AGFG2: variants seen among roughly 807,000 people sequenced by gnomAD.
AGFG2 encodes the protein arf-GAP domain and FG repeat-containing protein 2.
AGFG2 carries 31 observed loss-of-function variants against 48.0 expected under a neutral mutation model. The observed-to-expected ratio is 0.65, with a 90% CI of 0.49 to 0.87. The LOEUF (loss-of-function observed/expected upper bound fraction) is 0.87. Ranked by LOEUF, AGFG2 falls within the 40% of genes least tolerant of loss-of-function variation. The pLI is 0.00. For synonymous variants in AGFG2, 229 were observed against 260.8 expected, an observed-to-expected ratio of 0.88 and a Z score of 1.18; for missense variants, 599 against 632.6, an observed-to-expected ratio of 0.95 and a Z score of 0.57.
In AGFG2 at chr7:100,539,207, GA is replaced by G; in HGVS notation, c.-139del. ...TGCAGGACGGGCAAGGAGGGTGGTG[GA>G]CGGCGAAGTCTCCTGCGGATGCCGC... On this transcript the variant is annotated 5_prime_UTR_variant, in exon 1 of 12. Transcript: ENST00000300176. The G allele has an allele frequency of 1.2e-6, 1 of 813,350 alleles. No individual in the cohort carries two copies. Among genetic ancestry groups the G allele is most frequent in the Non-Finnish European group, 1.7e-6 (1 of 595,032 alleles). 50.4% of individuals were successfully genotyped at this position (813,350 alleles called of 1,614,324 possible). A position where few individuals can be genotyped will look rare whatever the true frequency, so the allele number is the denominator to read the frequency against.
chr7:100,564,906 G>GA, intron 11 of AGFG2, 26 bp from the exon 12 acceptor site: 2 of 1,613,352 alleles, frequency 1.2e-6, no homozygotes, highest in Non-Finnish European at 1.7e-6. Context: ...CCCCTAACTG[G>GA]AAAATGTATT....
rs192404984 is a variant in AGFG2, at chr7:100,564,580, C to T, written c.1386+277C>T. On this transcript the variant is annotated intron_variant, in intron 11 of 11. Transcript: ENST00000300176. Reference sequence around the variant, plus strand: ...TCTCCCAGGCCCAATCTCAGCTCACCGCAACCTCTACCTCCTGAGTTCAAG... The same window carrying T: ...TCTCCCAGGCCCAATCTCAGCTCACTGCAACCTCTACCTCCTGAGTTCAAG... Among the ~76,000 whole-genome samples, 225 of 151,752 alleles carry T rather than the reference C, an allele frequency of 1.5e-3. 2 individuals carry two copies. The highest frequency in any genetic ancestry group is 2.4e-3 in the Non-Finnish European group (165 of 67,860).
Position 100,562,979 on chromosome 7 carries a change from A to T in AGFG2, c.1171+33A>T, listed in dbSNP as rs775700880. 1 of 1,577,764 alleles carries T rather than the reference A, an allele frequency of 6.3e-7. No individual in the cohort carries two copies. The highest frequency in any genetic ancestry group is 8.7e-7 in the Non-Finnish European group (1 of 1,149,658). ...TCCAGCATGGTCCCTTGTCCTGACC[A>T]TCTGAGACTTCCAAGGCACACATTA... On this transcript the variant is annotated intron_variant, in intron 9 of 11. Coordinates refer to ENST00000300176, the MANE Select transcript of AGFG2 (RefSeq NM_006076.5). The surrounding 1 kb of genome is among the most constrained non-coding windows in gnomAD (Gnocchi z 5.4).
Position 100,553,470 on chromosome 7 carries a change from T to C in AGFG2, c.555T>C (p.Ser185=). The C allele has an allele frequency of 6.2e-7, 1 of 1,604,462 alleles. No individual in the cohort carries two copies. Among genetic ancestry groups the C allele is most frequent in the Non-Finnish European group, 8.5e-7 (1 of 1,172,576 alleles). The change falls in exon 4 of 12, where the codon TCT becomes TCC. Residue 185 remains serine (S), a synonymous_variant. Transcript: ENST00000300176. ...LRTLLGDPAP[S]LSVAASTSSQ... Reference sequence around the variant, plus strand: ...CACTTCTGGGTGATCCTGCACCGTCTCTCTCAGTTGCTGCCTCCACCTCGA... The same window carrying C: ...CACTTCTGGGTGATCCTGCACCGTCCCTCTCAGTTGCTGCCTCCACCTCGA...
At chr7:100,541,509 C>G (rs191495440) in intron 1 of AGFG2, among the ~76,000 whole-genome samples, 16 of 151,722 alleles carry the variant, frequency 1.1e-4, no homozygotes, top group Non-Finnish European at 1.5e-4. Context: ...CTCGGTGGCT[C>G]AGTATGTATA....
intron 1 of AGFG2, among the ~76,000 whole-genome samples, chr7:100,543,850 C>A (rs1339968447): frequency 6.6e-6 from 1 of 152,198 alleles, no homozygotes; most frequent in Non-Finnish European, 1.5e-5. Flanking sequence ...AGGTCCCACA[C>A]CTGACCTAGT....
chr7:100,550,547 T>G, intron 3 of AGFG2, 36 bp downstream of exon 3: 1 of 1,495,432 alleles, frequency 6.7e-7, no homozygotes, highest in South Asian at 1.1e-5. Context: ...TGGAAACGTG[T>G]TCAAGACATT....
At chr7:100,559,990 CCT>C (rs1800831826) in intron 6 of AGFG2, among the ~76,000 whole-genome samples, 3 of 152,136 alleles carry the variant, frequency 2.0e-5, no homozygotes, top group South Asian at 2.1e-4. Context: ...TGGCCTGCAG[CCT>C]CTCTCCCAGC....
intron 1 of AGFG2, among the ~76,000 whole-genome samples, chr7:100,539,882 G>A (rs1800390198): frequency 1.3e-5 from 2 of 152,082 alleles, no homozygotes; most frequent in African/African-American, 2.4e-5. Flanking sequence ...GAGAAAGTGC[G>A]GAGGATGGAA....
intron 3 of AGFG2, among the ~76,000 whole-genome samples, chr7:100,552,208 G>A (rs1252771266): frequency 6.6e-6 from 1 of 152,010 alleles, no homozygotes; most frequent in Admixed American, 6.6e-5. Flanking sequence ...TCGTGCCACT[G>A]TACTCTAGCC....
At chr7:100,556,373 G>A (rs1800758980) in intron 6 of AGFG2, 1 of 222,720 alleles carries the variant, frequency 4.5e-6, no homozygotes, top group Non-Finnish European at 9.4e-6. Context: ...CATTGCAAGA[G>A]ACTCTTCAGG....
intron 6 of AGFG2, among the ~76,000 whole-genome samples, chr7:100,559,991 C>G (rs1451444389): frequency 1.3e-5 from 2 of 152,140 alleles, no homozygotes; most frequent in African/African-American, 4.8e-5. Flanking sequence ...GGCCTGCAGC[C>G]TCTCTCCCAG....
chr7:100,549,345 C>T (rs997181401), intron 2 of AGFG2, among the ~76,000 whole-genome samples: 4 of 152,180 alleles, frequency 2.6e-5, no homozygotes, highest in African/African-American at 4.8e-5. Flanking sequence ...ATCTGCCGAT[C>T]AGAAGTTGCT....
intron 1 of AGFG2, among the ~76,000 whole-genome samples, chr7:100,542,215 C>T (rs1800433078): frequency 6.6e-6 from 1 of 152,116 alleles, no homozygotes; most frequent in Admixed American, 6.6e-5. Context: ...GGGGTTTTGC[C>T]ATGTTGGTCA....
Position 100,567,714 on chromosome 7 carries a change from T to C in AGFG2, c.*2723T>C, listed in dbSNP as rs961386012. 1.3e-5 allele frequency: 2 copies of C among 152,242 alleles called. No individual in the cohort carries two copies. The highest frequency in any genetic ancestry group is 4.8e-5 in the African/African-American group (2 of 41,432). The allele number at this position is 152,242 out of a possible 1,614,324, so 9.4% of individuals were successfully genotyped here. A position where few individuals can be genotyped will look rare whatever the true frequency, so the allele number is the denominator to read the frequency against. ...CTCCCCGTGGATTCCCCCAAACCCATAACATTCTTCCATAGGGGCTGAGAA... is the reference window on the plus strand; with the variant it reads ...CTCCCCGTGGATTCCCCCAAACCCACAACATTCTTCCATAGGGGCTGAGAA... On this transcript the variant is annotated 3_prime_UTR_variant, in exon 12 of 12. Transcript: ENST00000300176.
Position 100,562,426 on chromosome 7 carries a change from C to G in AGFG2, c.998+47C>G, listed in dbSNP as rs548596427. On this transcript the variant is annotated intron_variant, in intron 7 of 11. Transcript: ENST00000300176. The surrounding 1 kb of genome is among the most constrained non-coding windows in gnomAD (Gnocchi z 5.4). ...TCTGCTGTAGGGCAGGAGAGCCGCC[C>G]GAAGCCTGGCCATGTTCCTCCCAGC... 7.5e-6 allele frequency: 12 copies of G among 1,606,858 alleles called. No homozygotes were observed. The highest frequency in any genetic ancestry group is 1.0e-5 in the Non-Finnish European group (12 of 1,175,510).
chr7:100,552,070 C>A (rs942694835), intron 3 of AGFG2, among the ~76,000 whole-genome samples: 1 of 151,634 alleles, frequency 6.6e-6, no homozygotes, highest in African/African-American at 2.4e-5. Context: ...GATGGTGAAA[C>A]CCCGTCTCTA....
In AGFG2 at chr7:100,563,955, G is replaced by A. The variant is rs964060186; in HGVS notation, c.1293G>A (p.Gln431=). The A allele has an allele frequency of 1.2e-6, 2 of 1,607,122 alleles. No individual in the cohort carries two copies. Among genetic ancestry groups the A allele is most frequent in the African/African-American group, 2.7e-5 (2 of 74,884 alleles). The change falls in exon 10 of 12, where the codon CAG becomes CAA. Residue 431 remains glutamine, a synonymous_variant. Transcript: ENST00000300176. The stretch of plus-strand genomic sequence containing the variant: ...CCCCGCAGACCCCGCTTGTTCAGCA[G>A]CAGAATGGTAAGAGCTGTAGATGGA... ...LFPPQTPLVQ[Q]QNGSSFGDLG...
In AGFG2 at chr7:100,563,860, G is replaced by T; in HGVS notation, c.1198G>T (p.Gly400Trp). 6.2e-7 allele frequency: 1 copy of T among 1,611,346 alleles called. No individual in the cohort carries two copies. ...GCCCGGCTTTGGGATGAGCAGTGCTGGGCCTGGCTTCCCCCAGGCAGTGCC... is the reference window on the plus strand; with the variant it reads ...GCCCGGCTTTGGGATGAGCAGTGCTTGGCCTGGCTTCCCCCAGGCAGTGCC... The part of the protein sequence containing the change: ...PGPGFGMSSA[G>W]PGFPQAVPPT... Residue 400 changes from glycine to tryptophan, a missense_variant, in exon 10 of 12, where the codon GGG (glycine) becomes TGG (tryptophan). Transcript: ENST00000300176.
Sources: allele counts gnomAD v4.1 joint callset (sites outside exome capture counted in the v4.1 genomes callset), GRCh38; gene constraint gnomAD v4.1.1; non-coding constraint Gnocchi (gnomAD v3.1); transcripts MANE v1.5; gene names NCBI Gene and HGNC (gene_info 2026-07-23, HGNC 2026-07-21).